DLGAP4: variants seen among roughly 807,000 people sequenced by gnomAD.
The protein encoded by DLGAP4 is DLG associated protein 4, also known as disks large-associated protein 4.
DLGAP4 carries 18 observed loss-of-function variants against 86.9 expected under a neutral mutation model. That is an observed-to-expected ratio of 0.21 (90% CI 0.14 to 0.31). The LOEUF (loss-of-function observed/expected upper bound fraction) is 0.31. Ranked by LOEUF, DLGAP4 falls within the 10% of genes least tolerant of loss-of-function variation. DLGAP4 has a pLI of 1.00. For missense variants in DLGAP4, 1,085 were observed against 1,362.6 expected (o/e 0.80, Z 3.21); for synonymous variants, 548 against 574.3 (o/e 0.95, Z 0.65).
At chr20:36,424,971 A>G (rs1050074578) in intron 2 of DLGAP4, among the ~76,000 whole-genome samples, 2 of 152,144 alleles carry the variant, frequency 1.3e-5, no homozygotes, top group African/African-American at 4.8e-5. Flanking sequence ...CCTGACCTCA[A>G]GTAATCCAGG....
intron 1 of DLGAP4, among the ~76,000 whole-genome samples, chr20:36,310,283 A>T (rs1480938720): frequency 6.6e-6 from 1 of 152,048 alleles, no homozygotes; most frequent in Non-Finnish European, 1.5e-5. Context: ...AGGCAGCCAC[A>T]TGCTGGTTGA....
chr20:36,439,639 G>C (rs974305855), intron 4 of DLGAP4, 115 bp from the exon 5 acceptor site: 5 of 840,478 alleles, frequency 5.9e-6, no homozygotes, highest in Non-Finnish European at 7.6e-6. Flanking sequence ...CCACCCTGCG[G>C]CTGCAGCGGG....
chr20:36,380,229 C>T (rs541890760), intron 2 of DLGAP4, among the ~76,000 whole-genome samples: 2 of 149,948 alleles, frequency 1.3e-5, no homozygotes, highest in East Asian at 3.9e-4. Flanking sequence ...GGCAAAACCC[C>T]ACCTCTACAA....
At position 36,332,566 on chromosome 20, in the gene DLGAP4, T is replaced by C. The variant is rs552271341; in HGVS notation, c.-304+26054T>C. 9.9e-5 allele frequency among the ~76,000 whole-genome samples: 15 copies of C among 152,132 alleles called. No individual in the cohort carries two copies. In the East Asian group the frequency reaches 2.7e-3, roughly 27 times the overall value. ...CACTGCACCCAGCTAATTTTTGTAT[T>C]TTTAGTAGAGACAGGGTTTTGCCAT... On this transcript the variant is annotated intron_variant, in intron 1 of 12. Coordinates refer to ENST00000339266, the MANE Select transcript of DLGAP4 (RefSeq NM_001365621.2).
At position 36,446,923 on chromosome 20, in the gene DLGAP4, G is replaced by C. The variant is rs201017864; in HGVS notation, c.1634G>C (p.Ser545Thr). 22 of 1,610,240 alleles carry C rather than the reference G, an allele frequency of 1.4e-5. No homozygotes were observed. In the East Asian group the frequency reaches 4.9e-4, roughly 36 times the overall value. ...PPPSTGSLSN[S>T]RTLPSSSCLV... ...CCCAGTACCGGCAGCCTCAGCAATA[G>C]TCGCACGCTTCCGAGTGAGTACTGT... is the stretch of plus-strand genomic sequence containing the variant. The change falls in exon 7 of 13, where the codon AGT (serine) becomes ACT (threonine). Residue 545 changes from serine (S) to threonine (T), a missense_variant. Ser to Thr is a moderately conservative substitution (Grantham distance 58). Around this residue, in one of 2 missense-constraint regions of DLGAP4, gnomAD observed 1,082 missense variants for 1,344.1 expected, o/e 0.81. Coordinates refer to ENST00000339266, the MANE Select transcript of DLGAP4 (RefSeq NM_001365621.2).
At chr20:36,521,149 T>A (rs1569526015) in intron 10 of DLGAP4, among the ~76,000 whole-genome samples, 1 of 152,142 alleles carries the variant, frequency 6.6e-6, no homozygotes, top group Non-Finnish European at 1.5e-5. Context: ...GAGACGGAGT[T>A]TTGCCATGTT....
At chr20:36,524,173 G>A in intron 10 of DLGAP4, 77 bp from the exon 11 acceptor site, 2 of 1,125,960 alleles carry the variant, frequency 1.8e-6, no homozygotes, top group South Asian at 1.2e-5. Context: ...AGTGTGGGAG[G>A]AGATTAAAAG....
chr20:36,377,829 G>A (rs892672788), intron 2 of DLGAP4, among the ~76,000 whole-genome samples: 3 of 152,174 alleles, frequency 2.0e-5, no homozygotes, highest in Admixed American at 6.5e-5. Context: ...CCAACCACAC[G>A]GGCTGACATT....
chr20:36,457,716 C>T (rs761208845), intron 7 of DLGAP4, among the ~76,000 whole-genome samples: 3 of 150,742 alleles, frequency 2.0e-5, no homozygotes, highest in Non-Finnish European at 3.0e-5. Flanking sequence ...GGGGTTTCAC[C>T]GTGGTAGCCA....
intron 7 of DLGAP4, among the ~76,000 whole-genome samples, chr20:36,484,335 A>G (rs1023222841): frequency 5.3e-5 from 8 of 152,202 alleles, no homozygotes; most frequent in Admixed American, 5.2e-4. Context: ...GGGTGTGCCT[A>G]GAAGCATCGC....
intron 2 of DLGAP4, among the ~76,000 whole-genome samples, chr20:36,411,527 G>T (rs1427210129): frequency 6.6e-6 from 1 of 152,138 alleles, no homozygotes; most frequent in Non-Finnish European, 1.5e-5. Context: ...TCAGCCCTTT[G>T]CTAATACAAA....
intron 2 of DLGAP4, among the ~76,000 whole-genome samples, chr20:36,412,865 G>A (rs1270088551): frequency 1.3e-5 from 2 of 151,922 alleles, no homozygotes; most frequent in Non-Finnish European, 2.9e-5. Flanking sequence ...TAAAACTGAG[G>A]TAGAATACAT....
chr20:36,415,217 G>A (rs143335161), intron 2 of DLGAP4, among the ~76,000 whole-genome samples: 329 of 152,230 alleles, frequency 2.2e-3, no homozygotes, highest in South Asian at 6.6e-3. Context: ...GTGAGCCAAG[G>A]TTGTGCCACT....
intron 2 of DLGAP4, among the ~76,000 whole-genome samples, chr20:36,378,191 C>G (rs945123571): frequency 4.6e-5 from 7 of 152,160 alleles, no homozygotes; most frequent in African/African-American, 1.7e-4. Context: ...AGGTTTGGGA[C>G]GGTAGATACC....
At chr20:36,446,651 A>G in intron 6 of DLGAP4, 46 bp from the exon 7 acceptor site, 1 of 1,553,844 alleles carries the variant, frequency 6.4e-7, no homozygotes. Context: ...TCCCCCCAGG[A>G]TGGGCAAGAT....
intron 8 of DLGAP4, chr20:36,499,220 TTTC>T: frequency 6.3e-7 from 1 of 1,596,340 alleles, no homozygotes; most frequent in Non-Finnish European, 8.5e-7. Flanking sequence ...CTTTTTTTTT[TTTC>T]TCTCTGATGC....
intron 10 of DLGAP4, among the ~76,000 whole-genome samples, chr20:36,519,859 T>G (rs1054618789): frequency 6.6e-6 from 1 of 152,158 alleles, no homozygotes; most frequent in African/African-American, 2.4e-5. Flanking sequence ...AGTGCCATCA[T>G]AGCTCACTGC....
intron 7 of DLGAP4, among the ~76,000 whole-genome samples, chr20:36,479,767 A>C (rs1195862793): frequency 6.6e-6 from 1 of 152,130 alleles, no homozygotes; most frequent in Admixed American, 6.5e-5. Context: ...TGGTGCTGCT[A>C]CAGTGCGGTG....
intron 1 of DLGAP4, among the ~76,000 whole-genome samples, chr20:36,360,909 A>G (rs375239285): frequency 2.0e-5 from 3 of 151,970 alleles, no homozygotes; most frequent in African/African-American, 4.8e-5. Context: ...TGACGGGCCA[A>G]GGGTTCAGGA....
Sources: gnomAD v4.1 joint callset for allele counts (sites outside exome capture counted in the v4.1 genomes callset) on GRCh38, gnomAD v4.1.1 for gene constraint, gnomAD v4.1.1 regional missense constraint, MANE v1.5 for transcripts, NCBI Gene and HGNC (gene_info 2026-07-23, HGNC 2026-07-21) for gene names.